Variants in CAMK1G observed in about 807,000 individuals in gnomAD.
The protein encoded by CAMK1G is calcium/calmodulin-dependent protein kinase type 1G.
In CAMK1G, 27 loss-of-function variants were observed where a neutral mutation model predicts 54.8. The observed-to-expected ratio is 0.49, with a 90% confidence interval of 0.36 to 0.68. The LOEUF is 0.68. Ranked by LOEUF, CAMK1G falls within the 30% of genes least tolerant of loss-of-function variation. The probability of loss-of-function intolerance (pLI) is 0.00; values close to 1 mark genes in which losing one functional copy is unlikely to be tolerated. For synonymous variants in CAMK1G, 238 were observed against 224.9 expected, an observed-to-expected ratio of 1.06 and a Z score of -0.52; for missense variants, 512 against 591.0, an observed-to-expected ratio of 0.87 and a Z score of 1.39.
intron 5 of CAMK1G, among the ~76,000 whole-genome samples, chr1:209,606,057 G>A (rs1243449736): frequency 2.6e-5 from 4 of 152,170 alleles, no homozygotes; most frequent in African/African-American, 9.7e-5. Context: ...CACAAACAGG[G>A]TAGTTGGAAG....
chr1:209,612,459 G>A (rs1239927206), intron 11 of CAMK1G, among the ~76,000 whole-genome samples: 1 of 152,170 alleles, frequency 6.6e-6, no homozygotes, highest in Non-Finnish European at 1.5e-5. Context: ...CTGGGTTGAA[G>A]TCTATTTACC....
At chr1:209,608,913 A>C in intron 7 of CAMK1G, 67 bp from the exon 8 acceptor site, 1 of 1,596,102 alleles carries the variant, frequency 6.3e-7, no homozygotes, top group South Asian at 1.1e-5. Context: ...AGCTTGGGGG[A>C]GCAGAGAGGC....
In CAMK1G at chr1:209,611,634, C is replaced by T. The variant is rs534105726; in HGVS notation, c.915+82C>T. 4.3e-4 allele frequency: 647 copies of T among 1,488,530 alleles called. 7 individuals are homozygous for T. Among genetic ancestry groups the T allele is most frequent in the Middle Eastern group, 3.6e-3 (20 of 5,596 alleles). The allele number at this position is 1,488,530 out of a possible 1,614,324, so 92.2% of individuals were successfully genotyped here. On this transcript the variant is annotated intron_variant, in intron 10 of 12. Coordinates refer to ENST00000361322, the MANE Select transcript of CAMK1G (RefSeq NM_020439.3). Reference sequence around the variant, plus strand: ...TGGCAGGGGCTGACATAAGGGCTTTCCTTGGGATGTCCCAGAAGGCATTGG... The same window carrying T: ...TGGCAGGGGCTGACATAAGGGCTTTTCTTGGGATGTCCCAGAAGGCATTGG...
chr1:209,595,417 T>TCAAACAAAACAAAACAAAA lies in CAMK1G; in HGVS notation c.92+346_92+347insCAAAACAAAACAAAACAAA, dbSNP rs1553273101. The stretch of plus-strand genomic sequence containing the variant: ...AGCCTGGTGACAGAGCGAGACTGTC[T>TCAAACAAAACAAAACAAAA]CAAAACAAAACAAAACAAAATTGGA... On this transcript the variant is annotated intron_variant, in intron 2 of 12. Transcript: ENST00000361322. 2.3e-3 allele frequency among the ~76,000 whole-genome samples: 348 copies of TCAAACAAAACAAAACAAAA among 152,080 alleles called. 3 individuals are homozygous for TCAAACAAAACAAAACAAAA. The highest frequency in any genetic ancestry group is 8.0e-3 in the African/African-American group (331 of 41,490).
intron 2 of CAMK1G, among the ~76,000 whole-genome samples, chr1:209,597,546 T>C (rs1665419743): frequency 6.6e-6 from 1 of 152,244 alleles, no homozygotes; most frequent in Non-Finnish European, 1.5e-5. Flanking sequence ...TTCTTAAGAA[T>C]GGAAACACTC....
intron 10 of CAMK1G, 81 bp downstream of exon 10, chr1:209,611,633 T>C (rs1665783073): frequency 6.7e-7 from 1 of 1,490,026 alleles, no homozygotes; most frequent in East Asian, 2.3e-5. Context: ...ATAAGGGCTT[T>C]CCTTGGGATG....
chr1:209,590,627 C>T (rs2102381603), intron 1 of CAMK1G, among the ~76,000 whole-genome samples: 1 of 152,248 alleles, frequency 6.6e-6, no homozygotes, highest in East Asian at 1.9e-4. Context: ...ATGGAAGCTC[C>T]AGAAGAGGGA....
chr1:209,604,656 C>T (rs1558139716), intron 4 of CAMK1G, among the ~76,000 whole-genome samples: 1 of 152,172 alleles, frequency 6.6e-6, no homozygotes, highest in Non-Finnish European at 1.5e-5. Flanking sequence ...GAACCCCTGG[C>T]TCACGGTTGA....
In CAMK1G at chr1:209,600,043, G is replaced by A; in HGVS notation, c.153G>A (p.Leu51=). 6.2e-7 allele frequency: 1 copy of A among 1,613,982 alleles called. No homozygotes were observed. The highest frequency in any genetic ancestry group is 8.5e-7 in the Non-Finnish European group (1 of 1,179,896). ...GACTGACTGGGAAGCTCTTTGCTCTGAAGTGCATCAAGAAGTCACCTGCCT... is the reference window on the plus strand; with the variant it reads ...GACTGACTGGGAAGCTCTTTGCTCTAAAGTGCATCAAGAAGTCACCTGCCT... The part of the protein sequence containing the change: ...KQRLTGKLFA[L]KCIKKSPAFR... The change falls in exon 3 of 13, where the codon CTG becomes CTA. Residue 51 remains leucine, a synonymous_variant. Coordinates refer to ENST00000361322, the MANE Select transcript of CAMK1G (RefSeq NM_020439.3).
chr1:209,598,674 C>T (rs1010036424), intron 2 of CAMK1G, among the ~76,000 whole-genome samples: 1 of 152,242 alleles, frequency 6.6e-6, no homozygotes, highest in Non-Finnish European at 1.5e-5. Flanking sequence ...CTGCCATCAA[C>T]ATAACTCAGC....
intron 1 of CAMK1G, among the ~76,000 whole-genome samples, chr1:209,585,910 C>T (rs1285500880): frequency 1.3e-5 from 2 of 152,208 alleles, no homozygotes; most frequent in South Asian, 2.1e-4. Context: ...CAACTGCAGG[C>T]GCGCCGCCAC....
intron 4 of CAMK1G, among the ~76,000 whole-genome samples, chr1:209,604,452 G>A (rs187107143): frequency 2.0e-4 from 31 of 152,320 alleles, no homozygotes; most frequent in African/African-American, 7.2e-4. Context: ...TCATAGCTCT[G>A]TACAAAGAGT....
chr1:209,613,623 A>C lies in CAMK1G; in HGVS notation c.*621A>C, dbSNP rs1665842956. 6.6e-6 allele frequency: 1 copy of C among 152,254 alleles called. No homozygotes were observed. The highest frequency in any genetic ancestry group is 1.5e-5 in the Non-Finnish European group (1 of 68,080). 9.4% of individuals were successfully genotyped at this position (152,254 alleles called of 1,614,324 possible). ...CCAAGTGCGCTGAGACCCAGCCAGC[A>C]CACTTCTGGCCCTTCTCCCTGCCTC... On this transcript the variant is annotated 3_prime_UTR_variant, in exon 13 of 13. Transcript: ENST00000361322.
At chr1:209,608,853 G>T in intron 7 of CAMK1G, 127 bp from the exon 8 acceptor site, 1 of 1,349,394 alleles carries the variant, frequency 7.4e-7, no homozygotes, top group Non-Finnish European at 1.0e-6. Flanking sequence ...CTGCGTCCTG[G>T]TCACACCACT....
chr1:209,608,004 C>T (rs986107390), intron 7 of CAMK1G, 71 bp downstream of exon 7: 5 of 1,235,834 alleles, frequency 4.0e-6, no homozygotes, highest in Non-Finnish European at 5.8e-6. Flanking sequence ...TCGTTCCCTC[C>T]CCTGTCTCAG....
intron 3 of CAMK1G, among the ~76,000 whole-genome samples, chr1:209,601,674 T>A (rs1665529525): frequency 6.6e-6 from 1 of 152,220 alleles, no homozygotes; most frequent in Non-Finnish European, 1.5e-5. Context: ...GATAAATTAA[T>A]GTTAGCATTG....
At chr1:209,599,252 G>A (rs1377571458) in intron 2 of CAMK1G, among the ~76,000 whole-genome samples, 3 of 151,960 alleles carry the variant, frequency 2.0e-5, no homozygotes. Flanking sequence ...AGGATTATGG[G>A]GATTATAATT....
chr1:209,584,118 G>T (rs1313554191), intron 1 of CAMK1G, among the ~76,000 whole-genome samples: 2 of 152,132 alleles, frequency 1.3e-5, no homozygotes, highest in Non-Finnish European at 2.9e-5. Context: ...TGTGCCTAGA[G>T]GGACCCCGTC....
intron 10 of CAMK1G, 50 bp downstream of exon 10, chr1:209,611,602 G>C: frequency 6.4e-7 from 1 of 1,563,568 alleles, no homozygotes; most frequent in Non-Finnish European, 8.8e-7. Context: ...GCCCCTGGAG[G>C]CTGGGCTGGC....
Sources: gnomAD v4.1 joint callset for allele counts (sites outside exome capture counted in the v4.1 genomes callset) on GRCh38, gnomAD v4.1.1 for gene constraint, MANE v1.5 for transcripts, NCBI Gene and HGNC (gene_info 2026-07-23, HGNC 2026-07-21) for gene names.